Variants in MUC5AC observed in about 807,000 individuals in gnomAD.
MUC5AC encodes mucin 5AC, oligomeric mucus/gel-forming, also known as mucin-5AC.
A neutral mutation model predicts 169.7 loss-of-function variants in MUC5AC; 158 were observed. That is an observed-to-expected ratio of 0.93 (90% CI 0.82 to 1.06). MUC5AC has a LOEUF of 1.06. Among genes scored for constraint, MUC5AC ranks in the 50% least tolerant of loss-of-function variants. The pLI is 0.00. For synonymous variants in MUC5AC, 1,975 were observed against 1,237.0 expected (o/e 1.60, Z -12.52); for missense variants, 4,359 against 3,089.9 (o/e 1.41, Z -9.74).
chr11:1,161,916 C>G lies in MUC5AC; in HGVS notation c.221C>G (p.Pro74Arg). The G allele has an allele frequency of 6.2e-7, 1 of 1,611,482 alleles. No homozygotes were observed. Among genetic ancestry groups the G allele is most frequent in the Non-Finnish European group, 8.5e-7 (1 of 1,179,442 alleles). ...GCTGCTTCCACCGCAGCCTCCAACC[C>G]GGCGCACAACGGGCGGGTGTGCAGC... ...RTIPVVRASNPAHNGRVCSTW... is the reference protein window; with the variant it reads ...RTIPVVRASNRAHNGRVCSTW... The change falls in exon 4 of 49, where the codon CCG (proline) becomes CGG (arginine). Residue 74 changes from proline (P) to arginine (R), a missense_variant. By Grantham distance (103) the Pro-to-Arg change is moderately radical (BLOSUM62 -2). Coordinates refer to ENST00000621226, the MANE Select transcript of MUC5AC (RefSeq NM_001304359.2).
chr11:1,162,836 C>G, intron 5 of MUC5AC, 119 bp from the exon 6 acceptor site: 2 of 1,099,570 alleles, frequency 1.8e-6, no homozygotes, highest in South Asian at 1.3e-5. Context: ...AGGATGGAGA[C>G]TGCTTTCGGG....
intron 11 of MUC5AC, 69 bp from the exon 12 acceptor site, chr11:1,167,808 G>C: frequency 7.5e-7 from 1 of 1,327,980 alleles, no homozygotes; most frequent in Non-Finnish European, 1.1e-6. Context: ...CAGCCGGGTG[G>C]ACTGGCAGGG....
At chr11:1,197,404 G>A in intron 40 of MUC5AC, 64 bp from the exon 41 acceptor site, 2 of 687,666 alleles carry the variant, frequency 2.9e-6, no homozygotes, top group Non-Finnish European at 5.3e-6. Flanking sequence ...CATGAGCCGG[G>A]GTGGCTGCTG....
chr11:1,199,993 G>T (rs1303424920), intron 48 of MUC5AC, 24 bp downstream of exon 48: 3 of 740,194 alleles, frequency 4.1e-6, no homozygotes, highest in Non-Finnish European at 7.4e-6. Flanking sequence ...CAGCAGGCAG[G>T]GAGACGCGAT....
At position 1,179,149 on chromosome 11, in the gene MUC5AC, G is replaced by A. The variant is rs1407011545; in HGVS notation, c.3385G>A (p.Gly1129Arg). Residue 1129 changes from glycine to arginine, a missense_variant, in exon 26 of 49, where the codon GGG becomes AGG. Transcript: ENST00000621226. ...CVNDACACDS[G>R]GDCECFCTAV... ...GAACGACGCGTGCGCCTGCGACTCCGGGGGTGACTGCGAGTGCTTCTGCAC... is the reference window on the plus strand; with the variant it reads ...GAACGACGCGTGCGCCTGCGACTCCAGGGGTGACTGCGAGTGCTTCTGCAC... 2 of 674,952 alleles carry A rather than the reference G, an allele frequency of 3.0e-6. No individual in the cohort carries two copies. 41.8% of individuals were successfully genotyped at this position (674,952 alleles called of 1,614,324 possible). A position where few individuals can be genotyped will look rare whatever the true frequency, so the allele number is the denominator to read the frequency against.
chr11:1,193,314 G>A (rs762496577), intron 32 of MUC5AC, among the ~76,000 whole-genome samples, 171 bp from the exon 33 acceptor site: 17 of 143,996 alleles, frequency 1.2e-4, no homozygotes, highest in Non-Finnish European at 2.3e-4. Flanking sequence ...GCCCCTGCCC[G>A]GGCCAGCTCG....
Position 1,192,496 on chromosome 11 carries a change from G to C in MUC5AC, c.14351G>C (p.Cys4784Ser). ...SVAYSTQTCFCNVADRLYPAG... is the reference protein window; with the variant it reads ...SVAYSTQTCFSNVADRLYPAG... The stretch of plus-strand genomic sequence containing the variant: ...GCTTACTCCACCCAAACCTGCTTCT[G>C]CAACGTGGCTGACCGGCTCTACCCT... The change falls in exon 31 of 49, where the codon TGC (cysteine) becomes TCC (serine). Residue 4784 changes from cysteine to serine, a missense_variant. Coordinates refer to ENST00000621226, the MANE Select transcript of MUC5AC (RefSeq NM_001304359.2). The C allele has an allele frequency of 1.3e-6, 1 of 765,042 alleles. No individual in the cohort carries two copies. Among genetic ancestry groups the C allele is most frequent in the Non-Finnish European group, 2.4e-6 (1 of 417,842 alleles). 47.4% of individuals were successfully genotyped at this position (765,042 alleles called of 1,614,324 possible). A position where few individuals can be genotyped will look rare whatever the true frequency, so the allele number is the denominator to read the frequency against.
intron 6 of MUC5AC, among the ~76,000 whole-genome samples, chr11:1,163,410 C>G (rs1258424274): frequency 6.6e-6 from 1 of 152,206 alleles, no homozygotes; most frequent in Non-Finnish European, 1.5e-5. Flanking sequence ...GCCCCACTCC[C>G]TGCCTCCCCC....
At position 1,164,432 on chromosome 11, in the gene MUC5AC, G is replaced by A; in HGVS notation, c.1029G>A (p.Gln343=). 3 of 1,612,328 alleles carry A rather than the reference G, an allele frequency of 1.9e-6. No individual in the cohort carries two copies. Among genetic ancestry groups the A allele is most frequent in the Middle Eastern group, 3.3e-4 (2 of 6,060 alleles). ...CCCAGAAGTGCCCCAACAACATGCAGTACCACGAGTGCCGCTCCCCCTGCG... is the reference window on the plus strand; with the variant it reads ...CCCAGAAGTGCCCCAACAACATGCAATACCACGAGTGCCGCTCCCCCTGCG... The part of the protein sequence containing the change: ...FCPQKCPNNM[Q]YHECRSPCAD... The change falls in exon 9 of 49, where the codon CAG becomes CAA. Residue 343 remains glutamine (Q), a synonymous_variant. Coordinates refer to ENST00000621226, the MANE Select transcript of MUC5AC (RefSeq NM_001304359.2).
At chr11:1,196,327 C>T (rs529349908) in intron 37 of MUC5AC, 61 bp from the exon 38 acceptor site, 9 of 754,738 alleles carry the variant, frequency 1.2e-5, no homozygotes, top group Non-Finnish European at 2.2e-5. Context: ...TGCCCAGCGG[C>T]CCGCGTTGCT....
chr11:1,198,249 C>T lies in MUC5AC; in HGVS notation c.16136-19C>T. On this transcript the variant is annotated intron_variant, in intron 42 of 48. Coordinates refer to ENST00000621226, the MANE Select transcript of MUC5AC (RefSeq NM_001304359.2). ...GAGTGGGCGGCGGGGGGTGCAGCTG[C>T]TTGTCTTCTCGTGGGCAGGCTGGAC... The T allele has an allele frequency of 1.3e-6, 1 of 749,384 alleles. No individual in the cohort carries two copies. The highest frequency in any genetic ancestry group is 2.4e-6 in the Non-Finnish European group (1 of 410,716). 46.4% of individuals were successfully genotyped at this position (749,384 alleles called of 1,614,324 possible). A position where few individuals can be genotyped will look rare whatever the true frequency, so the allele number is the denominator to read the frequency against.
chr11:1,158,327 C>T (rs1227007767), intron 1 of MUC5AC, among the ~76,000 whole-genome samples: 5 of 152,198 alleles, frequency 3.3e-5, no homozygotes, highest in African/African-American at 1.2e-4. Flanking sequence ...GCTCAGATCT[C>T]GGGCTTTCCC....
rs1198734429 is a variant in MUC5AC, at chr11:1,200,825, C to T, written c.*123C>T. Reference sequence around the variant, plus strand: ...GCTGCAGCTTTGAACACACTGTCCACGCCCGCTTTCTTGTGGAGGGTGTGG... The same window carrying T: ...GCTGCAGCTTTGAACACACTGTCCATGCCCGCTTTCTTGTGGAGGGTGTGG... On this transcript the variant is annotated 3_prime_UTR_variant, in exon 49 of 49. Transcript: ENST00000621226. 3.6e-5 allele frequency: 23 copies of T among 632,604 alleles called. No homozygotes were observed. Among genetic ancestry groups the T allele is most frequent in the Admixed American group, 7.3e-5 (3 of 40,912 alleles). The allele number at this position is 632,604 out of a possible 1,614,324, so 39.2% of individuals were successfully genotyped here.
Position 1,196,600 on chromosome 11 carries a change from C to T in MUC5AC, c.15726-17C>T, listed in dbSNP as rs1564920254. On this transcript the variant is annotated splice_polypyrimidine_tract_variant and intron_variant, in intron 38 of 48. Coordinates refer to ENST00000621226, the MANE Select transcript of MUC5AC (RefSeq NM_001304359.2). ...CGGAGGGAAAAAGGAGACCCACCAACCCTATGCTCTCTACAGGGCTCTGCC... is the reference window on the plus strand; with the variant it reads ...CGGAGGGAAAAAGGAGACCCACCAATCCTATGCTCTCTACAGGGCTCTGCC... The T allele has an allele frequency of 2.6e-6, 2 of 761,494 alleles. No individual in the cohort carries two copies. The highest frequency in any genetic ancestry group is 4.8e-6 in the Non-Finnish European group (2 of 416,428). 47.2% of individuals were successfully genotyped at this position (761,494 alleles called of 1,614,324 possible).
rs748641653 is a variant in MUC5AC, at chr11:1,196,658, G to T, written c.15767G>T (p.Cys5256Phe). Residue 5256 changes from cysteine to phenylalanine, a missense_variant, in exon 39 of 49, where the codon TGT becomes TTT. By Grantham distance (205) the Cys-to-Phe change is radical. Coordinates refer to ENST00000621226, the MANE Select transcript of MUC5AC (RefSeq NM_001304359.2). ...EAGPITEGCF[C>F]PEGMTLFSTS... is the part of the protein sequence containing the mutation. Reference sequence around the variant, plus strand: ...GGCCCCATCACCGAAGGCTGCTTCTGTCCGGAGGGCATGACCCTCTTCAGC... The same window carrying T: ...GGCCCCATCACCGAAGGCTGCTTCTTTCCGGAGGGCATGACCCTCTTCAGC... The T allele has an allele frequency of 1.3e-6, 1 of 762,718 alleles. No homozygotes were observed. Among genetic ancestry groups the T allele is most frequent in the South Asian group, 1.3e-5 (1 of 74,114 alleles). 47.2% of individuals were successfully genotyped at this position (762,718 alleles called of 1,614,324 possible). A position where few individuals can be genotyped will look rare whatever the true frequency, so the allele number is the denominator to read the frequency against.
Position 1,161,829 on chromosome 11 carries a change from G to A in MUC5AC, c.212-78G>A, listed in dbSNP as rs1057105709. ...CCTGCAGGACCCTGGGGAGGGGCAGGAGGTACAGGGCAGAGGCAGGGGGTG... is the reference window on the plus strand; with the variant it reads ...CCTGCAGGACCCTGGGGAGGGGCAGAAGGTACAGGGCAGAGGCAGGGGGTG... On this transcript the variant is annotated intron_variant, in intron 3 of 48. Transcript: ENST00000621226. 6.6e-6 allele frequency: 10 copies of A among 1,522,200 alleles called. No homozygotes were observed. The South Asian group carries it at 1.0e-4, about 15-fold the overall frequency. The allele number at this position is 1,522,200 out of a possible 1,614,324, so 94.3% of individuals were successfully genotyped here.
chr11:1,175,160 G>C (rs1860641117), intron 18 of MUC5AC, 23 bp downstream of exon 18: 2 of 265,408 alleles, frequency 7.5e-6, no homozygotes, highest in Admixed American at 1.2e-4. Context: ...GCTGTGGACT[G>C]GGGGGTCCCT....
intron 1 of MUC5AC, among the ~76,000 whole-genome samples, chr11:1,159,294 C>A (rs566953307): frequency 2.6e-5 from 4 of 152,282 alleles, no homozygotes; most frequent in African/African-American, 4.8e-5. Flanking sequence ...CACAGCTTTC[C>A]CTAAGACCCC....
intron 1 of MUC5AC, 138 bp from the exon 2 acceptor site, chr11:1,160,474 A>T (rs1487947129): frequency 8.8e-6 from 6 of 681,466 alleles, no homozygotes; most frequent in Non-Finnish European, 1.6e-5. Context: ...AACCCAGCAC[A>T]GAGAGAGCCC....
Sources: gnomAD v4.1 joint callset for allele counts (sites outside exome capture counted in the v4.1 genomes callset) on GRCh38, gnomAD v4.1.1 for gene constraint, MANE v1.5 for transcripts, NCBI Gene and HGNC (gene_info 2026-07-23, HGNC 2026-07-21) for gene names.